JARID2: variants seen among roughly 807,000 people sequenced by gnomAD.
JARID2 encodes the protein protein Jumonji.
JARID2 carries 21 observed loss-of-function variants against 125.6 expected under a neutral mutation model. The ratio of observed to expected loss-of-function variants is 0.17; its 90% CI spans 0.12 to 0.24. The LOEUF (loss-of-function observed/expected upper bound fraction) is 0.24. JARID2 is among the 10% of genes least tolerant of loss of function. The pLI is 1.00. For missense variants in JARID2, 1,303 were observed against 1,639.6 expected (o/e 0.79, Z 3.55); for synonymous variants, 736 against 661.6 (o/e 1.11, Z -1.73).
chr6:15,357,005 CTG>C (rs1491020921), intron 1 of JARID2, among the ~76,000 whole-genome samples: 3 of 152,274 alleles, frequency 2.0e-5, no homozygotes, highest in East Asian at 3.9e-4. Flanking sequence ...CAGATTGAGA[CTG>C]TCTCAAAAAC....
At chr6:15,374,683 G>C (rs9296973) in intron 2 of JARID2, among the ~76,000 whole-genome samples, 368 of 152,218 alleles carry the variant, frequency 2.4e-3, no homozygotes, top group African/African-American at 8.2e-3. Context: ...CTTCCTTGCT[G>C]GGCAGGTTCC....
chr6:15,329,767 T>G (rs1041348337), intron 1 of JARID2, among the ~76,000 whole-genome samples: 2 of 152,216 alleles, frequency 1.3e-5, no homozygotes, highest in African/African-American at 4.8e-5. Context: ...GCCCTTATTC[T>G]TGAGGGGAGG....
intron 3 of JARID2, among the ~76,000 whole-genome samples, chr6:15,443,923 G>A (rs921675864): frequency 6.6e-6 from 1 of 152,204 alleles, no homozygotes; most frequent in African/African-American, 2.4e-5. Flanking sequence ...GTTTCATCTT[G>A]AGGGGAATTC....
chr6:15,520,298 T>C lies in JARID2; in HGVS notation c.*47T>C. On this transcript the variant is annotated 3_prime_UTR_variant, in exon 18 of 18. Coordinates refer to ENST00000341776, the MANE Select transcript of JARID2 (RefSeq NM_004973.4). ...ATTTATATATATTTTTTTGTAATTA[T>C]TATATTCTAGTTTGGAGTACTTGCT... 7.0e-7 allele frequency: 1 copy of C among 1,420,834 alleles called. No individual in the cohort carries two copies. Among genetic ancestry groups the C allele is most frequent in the Non-Finnish European group, 9.4e-7 (1 of 1,063,810 alleles). The allele number at this position is 1,420,834 out of a possible 1,614,324, so 88.0% of individuals were successfully genotyped here.
chr6:15,337,734 A>T (rs2127463985), intron 1 of JARID2, among the ~76,000 whole-genome samples: 1 of 148,686 alleles, frequency 6.7e-6, no homozygotes, highest in Non-Finnish European at 1.5e-5. Context: ...TCTGAGTGAG[A>T]AGGGTCCCCC....
intron 5 of JARID2, among the ~76,000 whole-genome samples, chr6:15,473,017 G>C (rs1769151676): frequency 6.7e-6 from 1 of 149,550 alleles, no homozygotes; most frequent in Admixed American, 6.7e-5. Flanking sequence ...TTTTCCTACA[G>C]AATTTGTGAG....
intron 1 of JARID2, among the ~76,000 whole-genome samples, chr6:15,281,870 A>G (rs1183371271): frequency 6.6e-6 from 1 of 151,968 alleles, no homozygotes; most frequent in Non-Finnish European, 1.5e-5. Flanking sequence ...TTTCAAACAT[A>G]TGGTAATATT....
Position 15,406,295 on chromosome 6 carries a change from G to A in JARID2, c.182-3929G>A, listed in dbSNP as rs577103038. ...CTAAAATTACAAAAATTAGCTGAGC[G>A]TGGTAGCGAACGCCTATAGTCCCAG... On this transcript the variant is annotated intron_variant, in intron 2 of 17. Transcript: ENST00000341776. Among the ~76,000 whole-genome samples the A allele has an allele frequency of 2.3e-4, 35 of 152,280 alleles. No individual in the cohort carries two copies. The South Asian group carries it at 7.1e-3, about 31-fold the overall frequency.
intron 1 of JARID2, among the ~76,000 whole-genome samples, chr6:15,328,425 C>A (rs534715597): frequency 6.6e-6 from 1 of 152,198 alleles, no homozygotes; most frequent in Non-Finnish European, 1.5e-5. Context: ...AGTTACTGTG[C>A]TGCCTTATAC....
At chr6:15,278,117 C>T (rs944818399) in intron 1 of JARID2, among the ~76,000 whole-genome samples, 20 of 151,962 alleles carry the variant, frequency 1.3e-4, no homozygotes, top group Non-Finnish European at 2.2e-4. Context: ...CCTGTAATCC[C>T]AGGCTGAAGC....
At chr6:15,321,724 C>CT (rs1343785060) in intron 1 of JARID2, among the ~76,000 whole-genome samples, 4 of 148,364 alleles carry the variant, frequency 2.7e-5, no homozygotes, top group African/African-American at 1.0e-4. Flanking sequence ...AGATATGAGA[C>CT]TTCAATAATA....
chr6:15,356,742 C>T (rs1763612864), intron 1 of JARID2, among the ~76,000 whole-genome samples: 1 of 152,164 alleles, frequency 6.6e-6, no homozygotes, highest in Non-Finnish European at 1.5e-5. Context: ...GGGCTGGGCG[C>T]AGTGGCTTAT....
At chr6:15,274,216 C>T (rs1046147921) in intron 1 of JARID2, among the ~76,000 whole-genome samples, 6 of 152,170 alleles carry the variant, frequency 3.9e-5, no homozygotes, top group Admixed American at 1.3e-4. Context: ...AGGTGTGAGC[C>T]ACTGTGCCTG....
chr6:15,486,880 A>G (rs995978562), intron 5 of JARID2, among the ~76,000 whole-genome samples: 2 of 134,048 alleles, frequency 1.5e-5, no homozygotes, highest in Non-Finnish European at 3.0e-5. Context: ...TTCAGGGAGT[A>G]GAGGTGTATT....
chr6:15,450,919 T>G (rs1034891024), intron 3 of JARID2, among the ~76,000 whole-genome samples: 2 of 151,980 alleles, frequency 1.3e-5, no homozygotes, highest in African/African-American at 4.8e-5. Context: ...AGGTCAAGAC[T>G]GGGGAGGCTA....
intron 3 of JARID2, among the ~76,000 whole-genome samples, chr6:15,423,663 C>T (rs1766599116): frequency 6.6e-6 from 1 of 152,192 alleles, no homozygotes; most frequent in Admixed American, 6.5e-5. Context: ...AGAGGTACCT[C>T]TGTATGCTTG....
At chr6:15,342,398 A>T (rs933497979) in intron 1 of JARID2, among the ~76,000 whole-genome samples, 3 of 152,182 alleles carry the variant, frequency 2.0e-5, no homozygotes, top group African/African-American at 7.2e-5. Context: ...CAGACACTAA[A>T]TACTGTCCAA....
rs535738171 is a variant in JARID2, at chr6:15,275,385, T to G, written c.45+28801T>G. ...ATTTCCTACATACACAGCTTCTTCA[T>G]TAGATACTGATACCGGTTAATTCAC... On this transcript the variant is annotated intron_variant, in intron 1 of 17. Coordinates refer to ENST00000341776, the MANE Select transcript of JARID2 (RefSeq NM_004973.4). Among the ~76,000 whole-genome samples the G allele has an allele frequency of 1.5e-3, 228 of 152,234 alleles. 2 individuals are homozygous for G. Among genetic ancestry groups the G allele is most frequent in the African/African-American group, 5.1e-3 (211 of 41,542 alleles).
intron 1 of JARID2, among the ~76,000 whole-genome samples, chr6:15,288,869 G>T (rs1255252333): frequency 6.6e-6 from 1 of 152,220 alleles, no homozygotes; most frequent in East Asian, 1.9e-4. Context: ...GCCTCCTGGC[G>T]AGGTGAAGAA....
Sources: gnomAD v4.1 joint callset for allele counts (sites outside exome capture counted in the v4.1 genomes callset) on GRCh38, gnomAD v4.1.1 for gene constraint, MANE v1.5 for transcripts, NCBI Gene and HGNC (gene_info 2026-07-23, HGNC 2026-07-21) for gene names.